The following OLFML1 variants were observed in gnomAD, a reference collection of about 807,000 sequenced individuals.
The protein encoded by OLFML1 is olfactomedin-like protein 1.
Under a neutral mutation model 37.3 loss-of-function variants are expected in OLFML1, and 33 were observed. The observed-to-expected ratio is 0.88, with a 90% CI of 0.67 to 1.18. OLFML1 has a LOEUF of 1.18. Ranked by LOEUF, OLFML1 falls within the 50% of genes most tolerant of loss-of-function variation. The pLI is 0.00. For missense variants in OLFML1, 545 were observed against 483.7 expected, an observed-to-expected ratio of 1.13 and a Z score of -1.19; for synonymous variants, 186 against 181.3, an observed-to-expected ratio of 1.03 and a Z score of -0.21.
chr11:7,507,068 C>A (rs1390343914), intron 2 of OLFML1, among the ~76,000 whole-genome samples: 2 of 152,070 alleles, frequency 1.3e-5, no homozygotes, highest in Non-Finnish European at 2.9e-5. Context: ...AGGGTAGTGT[C>A]CTGGAGAATT....
intron 2 of OLFML1, among the ~76,000 whole-genome samples, chr11:7,496,499 G>C (rs1848663460): frequency 6.6e-6 from 1 of 152,200 alleles, no homozygotes; most frequent in African/African-American, 2.4e-5. Flanking sequence ...CTGCTGCAAA[G>C]TTCAGGTCCA....
Position 7,509,435 on chromosome 11 carries a change from A to G in OLFML1, c.456A>G (p.Lys152=). ...TGCTGATGGGCATAAAGTCTTTGAA[A>G]ATAGTGAAGAAGATGATGGACACAC... ...DNMLMGIKSL[K]IVKKMMDTHG... is the part of the protein sequence containing the mutation. The change falls in exon 3 of 3, where the codon AAA becomes AAG. Residue 152 remains lysine, a synonymous_variant. Coordinates refer to ENST00000329293, the MANE Select transcript of OLFML1 (RefSeq NM_198474.4). 6.2e-7 allele frequency: 1 copy of G among 1,613,444 alleles called. No individual in the cohort carries two copies.
intron 2 of OLFML1, among the ~76,000 whole-genome samples, chr11:7,502,081 C>A (rs564679415): frequency 6.6e-6 from 1 of 152,244 alleles, no homozygotes; most frequent in African/African-American, 2.4e-5. Context: ...TCACAGGAAG[C>A]CTCTTCAAGA....
Position 7,509,741 on chromosome 11 carries a change from A to AG in OLFML1, c.766dup (p.Val256GlyfsTer16), listed in dbSNP as rs1848833460. The AG allele has an allele frequency of 6.2e-7, 1 of 1,614,120 alleles. No individual in the cohort carries two copies. Among genetic ancestry groups the AG allele is most frequent in the African/African-American group, 1.3e-5 (1 of 74,944 alleles). ...TGGAAGATCGAATGCTGCTCCCAGG[A>AG]GGGGTAGGCCGAGCATTGGTTTACC... On this transcript the variant is annotated frameshift_variant, in exon 3 of 3. Coordinates refer to ENST00000329293, the MANE Select transcript of OLFML1 (RefSeq NM_198474.4). LOFTEE classifies it high-confidence loss of function.
intron 2 of OLFML1, among the ~76,000 whole-genome samples, chr11:7,506,634 A>G (rs536196378): frequency 3.3e-5 from 5 of 152,272 alleles, no homozygotes; most frequent in Admixed American, 6.5e-5. Context: ...AGTGGCACCA[A>G]CATACACCAC....
chr11:7,491,503 C>T (rs77522501), intron 2 of OLFML1, among the ~76,000 whole-genome samples: 3,475 of 152,316 alleles, frequency 0.023, 45 homozygotes, highest in Middle Eastern at 0.078. Context: ...ACAATCACAA[C>T]GGTGTGATTA....
intron 2 of OLFML1, among the ~76,000 whole-genome samples, chr11:7,501,028 G>A (rs1412706147): frequency 1.3e-5 from 2 of 152,100 alleles, no homozygotes; most frequent in Non-Finnish European, 2.9e-5. Context: ...AATAGAAATA[G>A]CTTCTGGCCT....
intron 2 of OLFML1, among the ~76,000 whole-genome samples, chr11:7,495,943 G>A (rs1401380734): frequency 6.6e-6 from 1 of 152,134 alleles, no homozygotes; most frequent in Non-Finnish European, 1.5e-5. Context: ...TCTACTCACA[G>A]TCTCCACCCT....
rs1353120158 is a variant in OLFML1, at chr11:7,490,739, A to G, written c.418+2324A>G. On this transcript the variant is annotated intron_variant, in intron 2 of 2. Transcript: ENST00000329293. ...GCTGTGTTGGTTTGTAAATCAGCCA[A>G]TACTTGTTGCCTCCCACTACTGGAT... is the stretch of plus-strand genomic sequence containing the variant. Among the ~76,000 whole-genome samples the G allele has an allele frequency of 2.0e-5, 3 of 152,278 alleles. No individual in the cohort carries two copies. The East Asian group carries it at 5.8e-4, about 29-fold the overall frequency.
intron 2 of OLFML1, among the ~76,000 whole-genome samples, chr11:7,501,956 G>A (rs921409161): frequency 1.3e-5 from 2 of 152,158 alleles, no homozygotes; most frequent in East Asian, 1.9e-4. Context: ...AGAGAAGGAC[G>A]ATGAGCTAGT....
chr11:7,507,023 A>G (rs1316201221), intron 2 of OLFML1, among the ~76,000 whole-genome samples: 2 of 152,176 alleles, frequency 1.3e-5, no homozygotes, highest in African/African-American at 2.4e-5. Flanking sequence ...GTAAGTTTCC[A>G]TGGAATTGAA....
At chr11:7,490,085 A>G (rs924005459) in intron 2 of OLFML1, among the ~76,000 whole-genome samples, 1 of 121,562 alleles carries the variant, frequency 8.2e-6, no homozygotes, top group African/African-American at 3.2e-5. Context: ...ATAAATGAGT[A>G]GATGTAGGGA....
At chr11:7,489,155 T>A (rs1480643339) in intron 2 of OLFML1, among the ~76,000 whole-genome samples, 4 of 152,198 alleles carry the variant, frequency 2.6e-5, no homozygotes, top group African/African-American at 9.7e-5. Context: ...TCTGTTCCAA[T>A]TCAAGAACCT....
rs550639604 is a variant in OLFML1, at chr11:7,490,096, T to C, written c.418+1681T>C. Among the ~76,000 whole-genome samples, 462 of 112,610 alleles carry C rather than the reference T, an allele frequency of 4.1e-3. 5 individuals carry two copies. The highest frequency in any genetic ancestry group is 0.019 in the Middle Eastern group (3 of 156). 73.9% of individuals were successfully genotyped at this position (112,610 alleles called of 152,430 possible). On this transcript the variant is annotated intron_variant, in intron 2 of 2. Coordinates refer to ENST00000329293, the MANE Select transcript of OLFML1 (RefSeq NM_198474.4). Reference sequence around the variant, plus strand: ...ACAAATAAATGAGTAGATGTAGGGATTGTCAACACAGGCAGAGGGGTTAGT... The same window carrying C: ...ACAAATAAATGAGTAGATGTAGGGACTGTCAACACAGGCAGAGGGGTTAGT...
intron 2 of OLFML1, chr11:7,488,851 T>G (rs1330722978): frequency 6.1e-6 from 1 of 164,788 alleles, no homozygotes; most frequent in Non-Finnish European, 1.3e-5. Context: ...CCCTCAGGGA[T>G]GGGAACTGCA....
intron 2 of OLFML1, among the ~76,000 whole-genome samples, chr11:7,503,273 G>T (rs924963468): frequency 6.6e-6 from 1 of 152,152 alleles, no homozygotes; most frequent in African/African-American, 2.4e-5. Flanking sequence ...GAGGAGGCCT[G>T]AGGATAAGAG....
rs1848513201 is a variant in OLFML1, at chr11:7,485,805, C to G, written c.-71C>G. On this transcript the variant is annotated 5_prime_UTR_variant, in exon 1 of 3. Transcript: ENST00000329293. The stretch of plus-strand genomic sequence containing the variant: ...AGCAGCGGATAGAGCAGGAGAGCAC[C>G]ACCGGAGCCCTTGAGACATCCTTGA... 6.6e-7 allele frequency: 1 copy of G among 1,509,382 alleles called. No homozygotes were observed. The highest frequency in any genetic ancestry group is 9.1e-7 in the Non-Finnish European group (1 of 1,099,666). 93.5% of individuals were successfully genotyped at this position (1,509,382 alleles called of 1,614,324 possible). A position where few individuals can be genotyped will look rare whatever the true frequency, so the allele number is the denominator to read the frequency against.
At chr11:7,494,580 C>T (rs1389809683) in intron 2 of OLFML1, among the ~76,000 whole-genome samples, 1 of 152,218 alleles carries the variant, frequency 6.6e-6, no homozygotes, top group Non-Finnish European at 1.5e-5. Context: ...GTCCTGCACA[C>T]CCTCACCTCT....
intron 2 of OLFML1, among the ~76,000 whole-genome samples, chr11:7,494,382 T>A (rs1021893941): frequency 2.0e-5 from 3 of 152,248 alleles, no homozygotes; most frequent in Non-Finnish European, 2.9e-5. Flanking sequence ...CCACACATAA[T>A]CCTTAAGCAT....
Sources: gnomAD v4.1 joint callset for allele counts (sites outside exome capture counted in the v4.1 genomes callset) on GRCh38, gnomAD v4.1.1 for gene constraint, MANE v1.5 for transcripts, NCBI Gene and HGNC (gene_info 2026-07-23, HGNC 2026-07-21) for gene names.